LRRFIP2: variants seen among roughly 807,000 people sequenced by gnomAD.
LRRFIP2 encodes the protein LRR binding FLII interacting protein 2.
A neutral mutation model predicts 125.9 loss-of-function variants in LRRFIP2; 109 were observed. That is an observed-to-expected ratio of 0.87 (90% CI 0.74 to 1.01). LRRFIP2 has a LOEUF of 1.01. Ranked by LOEUF, LRRFIP2 falls within the 50% of genes least tolerant of loss-of-function variation. The probability of loss-of-function intolerance (pLI) is 0.00; values close to 1 mark genes in which losing one functional copy is unlikely to be tolerated. For synonymous variants in LRRFIP2, 291 were observed against 293.1 expected, an observed-to-expected ratio of 0.99 and a Z score of 0.07; for missense variants, 850 against 862.3, an observed-to-expected ratio of 0.99 and a Z score of 0.18.
intron 24 of LRRFIP2, 113 bp downstream of exon 24, chr3:37,063,629 T>C: frequency 1.3e-6 from 1 of 796,802 alleles, no homozygotes; most frequent in Non-Finnish European, 2.2e-6. Flanking sequence ...ATATCTCACT[T>C]GAGTACTGAT....
chr3:37,121,740 G>C (rs2095052712), intron 4 of LRRFIP2, 49 bp from the exon 5 acceptor site: 1 of 1,569,630 alleles, frequency 6.4e-7, no homozygotes, highest in East Asian at 2.2e-5. Flanking sequence ...ATAGACAGTT[G>C]TTTATCAGAA....
At chr3:37,067,144 C>T (rs2090315065) in intron 21 of LRRFIP2, 1 of 152,190 alleles carries the variant, frequency 6.6e-6, no homozygotes, top group Admixed American at 6.5e-5. Context: ...AGGGCAGAGG[C>T]ATAAATCAAG....
chr3:37,118,131 C>T (rs970464565), intron 6 of LRRFIP2, among the ~76,000 whole-genome samples: 18 of 152,098 alleles, frequency 1.2e-4, no homozygotes, highest in African/African-American at 2.9e-4. Context: ...GCACAATCAA[C>T]GCTCACTGCA....
intron 4 of LRRFIP2, among the ~76,000 whole-genome samples, chr3:37,126,584 C>T (rs1436451085): frequency 6.6e-6 from 1 of 151,614 alleles, no homozygotes; most frequent in Non-Finnish European, 1.5e-5. Flanking sequence ...TTTGGCTGGG[C>T]GCGGTGGCTC....
At chr3:37,069,546 C>T (rs1289204819) in intron 21 of LRRFIP2, among the ~76,000 whole-genome samples, 2 of 152,068 alleles carry the variant, frequency 1.3e-5, no homozygotes, top group Non-Finnish European at 2.9e-5. Flanking sequence ...GTTGCCATTC[C>T]ACCAGGGGTT....
intron 15 of LRRFIP2, 74 bp from the exon 16 acceptor site, chr3:37,096,734 C>A: frequency 1.3e-6 from 1 of 756,700 alleles, no homozygotes; most frequent in Non-Finnish European, 2.2e-6. Flanking sequence ...AAAAAGTGAT[C>A]TTGAGTTTTC....
chr3:37,083,516 T>C (rs998425965), intron 19 of LRRFIP2, 120 bp downstream of exon 19: 39 of 650,752 alleles, frequency 6.0e-5, no homozygotes, highest in Non-Finnish European at 9.1e-5. Context: ...TCAATTTCCT[T>C]GGGCCATTCA....
intron 18 of LRRFIP2, among the ~76,000 whole-genome samples, chr3:37,084,765 C>A (rs2149074272): frequency 6.6e-6 from 1 of 152,022 alleles, no homozygotes; most frequent in Non-Finnish European, 1.5e-5. Flanking sequence ...TTACATATCT[C>A]AAAATTTTCT....
chr3:37,058,463 C>T (rs2087553155), intron 25 of LRRFIP2, among the ~76,000 whole-genome samples: 1 of 152,084 alleles, frequency 6.6e-6, no homozygotes, highest in African/African-American at 2.4e-5. Flanking sequence ...CACCTGAGGC[C>T]AGGAGTTCGA....
At chr3:37,058,989 G>A (rs1193140412) in intron 24 of LRRFIP2, 79 bp from the exon 25 acceptor site, 14 of 1,564,698 alleles carry the variant, frequency 8.9e-6, no homozygotes, top group Non-Finnish European at 1.0e-5. Flanking sequence ...TCACATCATA[G>A]AACAAAGCAG....
intron 13 of LRRFIP2, among the ~76,000 whole-genome samples, chr3:37,107,200 C>T (rs1202986251): frequency 6.6e-6 from 1 of 152,030 alleles, no homozygotes; most frequent in Non-Finnish European, 1.5e-5. Context: ...CATGCCCGGA[C>T]AGGAAATGAC....
intron 19 of LRRFIP2, among the ~76,000 whole-genome samples, chr3:37,083,138 C>T (rs904433416): frequency 1.3e-5 from 2 of 152,126 alleles, no homozygotes; most frequent in African/African-American, 4.8e-5. Flanking sequence ...AACTTATAAA[C>T]CTCTAAAGAA....
At chr3:37,119,307 T>A (rs557080081) in intron 6 of LRRFIP2, among the ~76,000 whole-genome samples, 1 of 152,304 alleles carries the variant, frequency 6.6e-6, no homozygotes, top group East Asian at 1.9e-4. Context: ...ATGATACAAA[T>A]GCCATAAAAA....
At chr3:37,148,136 T>C (rs2095906513) in intron 2 of LRRFIP2, among the ~76,000 whole-genome samples, 1 of 152,230 alleles carries the variant, frequency 6.6e-6, no homozygotes, top group African/African-American at 2.4e-5. Context: ...TCTTCAACAT[T>C]CTAATTATCC....
intron 14 of LRRFIP2, among the ~76,000 whole-genome samples, chr3:37,103,700 A>G (rs1241174014): frequency 6.6e-6 from 1 of 152,114 alleles, no homozygotes; most frequent in African/African-American, 2.4e-5. Flanking sequence ...CACCCCATCC[A>G]AAGGGTAACC....
chr3:37,075,202 T>C (rs1311049240), intron 19 of LRRFIP2, 86 bp from the exon 20 acceptor site: 5 of 813,750 alleles, frequency 6.1e-6, no homozygotes, highest in Non-Finnish European at 9.9e-6. Flanking sequence ...AGGTTAAGTA[T>C]GACCTCCAGA....
intron 1 of LRRFIP2, among the ~76,000 whole-genome samples, chr3:37,158,922 C>T (rs1171896389): frequency 6.6e-6 from 1 of 152,002 alleles, no homozygotes; most frequent in Non-Finnish European, 1.5e-5. Context: ...TCTCAGTAGG[C>T]AAAAGAGAAT....
At chr3:37,106,383 G>A (rs1374082174) in intron 13 of LRRFIP2, among the ~76,000 whole-genome samples, 1 of 152,188 alleles carries the variant, frequency 6.6e-6, no homozygotes, top group East Asian at 1.9e-4. Context: ...ACTCATCTTC[G>A]ATATGTGTAG....
chr3:37,078,140 T>C (rs988557157), intron 19 of LRRFIP2, among the ~76,000 whole-genome samples: 1 of 152,222 alleles, frequency 6.6e-6, no homozygotes, highest in South Asian at 2.1e-4. Context: ...GTTAAGATAA[T>C]AAATTTATCA....
Sources: gnomAD v4.1 joint callset for allele counts (sites outside exome capture counted in the v4.1 genomes callset) on GRCh38, gnomAD v4.1.1 for gene constraint, MANE v1.5 for transcripts, NCBI Gene and HGNC (gene_info 2026-07-23, HGNC 2026-07-21) for gene names.